Variants in RAD52 observed in about 807,000 individuals in gnomAD.
RAD52 encodes RAD52 DNA repair protein.
In RAD52, 47 loss-of-function variants were observed where a neutral mutation model predicts 55.5. That is an observed-to-expected ratio of 0.85 (90% CI 0.67 to 1.08). The LOEUF (loss-of-function observed/expected upper bound fraction) is 1.08. RAD52 is among the 50% of genes least tolerant of loss of function. RAD52 has a pLI of 0.00. For synonymous variants in RAD52, 184 were observed against 198.9 expected (o/e 0.92, Z 0.63); for missense variants, 468 against 522.8 (o/e 0.90, Z 1.02).
At chr12:987,508 T>C (rs536600101) in intron 1 of RAD52, among the ~76,000 whole-genome samples, 1 of 152,100 alleles carries the variant, frequency 6.6e-6, no homozygotes, top group South Asian at 2.1e-4. Flanking sequence ...TTGAACTAAT[T>C]CTTTATCTTA....
chr12:927,819 T>A (rs1412736277), intron 5 of RAD52, among the ~76,000 whole-genome samples: 3 of 151,762 alleles, frequency 2.0e-5, no homozygotes, highest in African/African-American at 7.3e-5. Context: ...TGAGCCGAGA[T>A]TGCACCACTG....
intron 1 of RAD52, among the ~76,000 whole-genome samples, chr12:980,396 CTA>C (rs1365573941): frequency 6.6e-6 from 1 of 151,186 alleles, no homozygotes; most frequent in Non-Finnish European, 1.5e-5. Context: ...CGGGTTCAAG[CTA>C]TTCTCCTGCC....
chr12:924,864 G>C (rs930285588), intron 7 of RAD52, among the ~76,000 whole-genome samples: 3 of 152,076 alleles, frequency 2.0e-5, no homozygotes, highest in Non-Finnish European at 4.4e-5. Flanking sequence ...TTGCTTTGAG[G>C]CTTCACAGAC....
Position 912,731 on chromosome 12 carries a change from AAAAAAAAAAAAAAAC to A in RAD52, c.*645_*659del, listed in dbSNP as rs1247840190. On this transcript the variant is annotated 3_prime_UTR_variant, in exon 12 of 12. Coordinates refer to ENST00000358495, the MANE Select transcript of RAD52 (RefSeq NM_134424.4). ...CAGCCAGACCCCGTCTCAAAAAAAA[AAAAAAAAAAAAAAAC>A]AAAAAACAGCCTTTTTTCGTGGTCT... 2.4e-4 allele frequency: 36 copies of A among 148,508 alleles called. No individual in the cohort carries two copies. Among genetic ancestry groups the A allele is most frequent in the East Asian group, 1.0e-3 (7 of 6,964 alleles). The allele number at this position is 148,508 out of a possible 1,614,324, so 9.2% of individuals were successfully genotyped here. A position where few individuals can be genotyped will look rare whatever the true frequency, so the allele number is the denominator to read the frequency against.
chr12:914,625 A>C, intron 9 of RAD52, 93 bp from the exon 10 acceptor site: 1 of 1,480,182 alleles, frequency 6.8e-7, no homozygotes, highest in Non-Finnish European at 9.2e-7. Context: ...GTTAGAGGGA[A>C]CACTCTCCGA....
intron 7 of RAD52, among the ~76,000 whole-genome samples, chr12:923,775 A>C (rs1205979780): frequency 6.6e-6 from 1 of 151,968 alleles, no homozygotes; most frequent in East Asian, 1.9e-4. Flanking sequence ...AAAAAAGAAA[A>C]GGCCGGGTGC....
At chr12:954,121 G>A (rs2154120263), upstream of RAD52, among the ~76,000 whole-genome samples, 1 of 152,214 alleles carries the variant, frequency 6.6e-6, no homozygotes, top group South Asian at 2.1e-4. Flanking sequence ...TGCATGCTCA[G>A]TTTTTGGTTT....
chr12:955,920 ACAGGCATGCGCCAC>A, intron 1 of RAD52, among the ~76,000 whole-genome samples: 1 of 147,714 alleles, frequency 6.8e-6, no homozygotes, highest in Non-Finnish European at 1.5e-5. Flanking sequence ...AGCTGGGATT[ACAGGCATGCGCCAC>A]CATGCCCGGC....
At chr12:962,055 G>A (rs1958693691) in intron 1 of RAD52, among the ~76,000 whole-genome samples, 1 of 152,108 alleles carries the variant, frequency 6.6e-6, no homozygotes. Context: ...ACAAATTTCT[G>A]TTCTTAAAGC....
chr12:916,749 G>GT lies in RAD52; in HGVS notation c.614dup (p.Tyr205Ter). Reference sequence around the variant, plus strand: ...GGGCCATGTTCGGTCGGCAGCTGTTGTATCTTGCCTCCTCCACAGACGGTT... The same window carrying GT: ...GGGCCATGTTCGGTCGGCAGCTGTTGTTATCTTGCCTCCTCCACAGACGGTT... ...DLEPSVEEARYNSCRPNMALG... is the reference protein window; with the variant it reads ...DLEPSVEEAR The change falls in exon 8 of 12, where the codon TAC becomes TAAC. Residue 205 changes from tyrosine to a stop codon, truncating the protein, a stop_gained and frameshift_variant. Coordinates refer to ENST00000358495, the MANE Select transcript of RAD52 (RefSeq NM_134424.4). LOFTEE classifies it high-confidence loss of function. 2 of 1,614,208 alleles carry GT rather than the reference G, an allele frequency of 1.2e-6. No homozygotes were observed. Among genetic ancestry groups the GT allele is most frequent in the South Asian group, 2.2e-5 (2 of 91,082 alleles).
upstream of RAD52, among the ~76,000 whole-genome samples, chr12:951,418 G>A (rs922678020): frequency 2.0e-5 from 3 of 152,186 alleles, no homozygotes; most frequent in East Asian, 3.9e-4. Context: ...GGTGCCCTTT[G>A]CCCCCTTTTT....
Position 911,928 on chromosome 12 carries a change from CAGG to C in RAD52, c.*1460_*1462del, listed in dbSNP as rs1014654872. 110 of 185,730 alleles carry C rather than the reference CAGG, an allele frequency of 5.9e-4. No individual in the cohort carries two copies. The highest frequency in any genetic ancestry group is 2.4e-3 in the African/African-American group (102 of 42,740). 11.5% of individuals were successfully genotyped at this position (185,730 alleles called of 1,614,324 possible). A position where few individuals can be genotyped will look rare whatever the true frequency, so the allele number is the denominator to read the frequency against. On this transcript the variant is annotated 3_prime_UTR_variant, in exon 12 of 12. Transcript: ENST00000358495. ...ATCCCAGCTACTCGGGAGCCTGAGG[CAGG>C]AGAATTGCTTGAATCCTGGCAGGCG...
chr12:930,460 G>A (rs994882038), intron 3 of RAD52, among the ~76,000 whole-genome samples: 4 of 151,932 alleles, frequency 2.6e-5, no homozygotes, highest in Non-Finnish European at 5.9e-5. Flanking sequence ...AGAACGAATG[G>A]TCTGTTGGGA....
chr12:917,607 G>A (rs1269918819), intron 7 of RAD52, among the ~76,000 whole-genome samples: 1 of 151,832 alleles, frequency 6.6e-6, no homozygotes, highest in East Asian at 1.9e-4. Flanking sequence ...CTTTGGCCAG[G>A]CACGTTGACT....
intron 1 of RAD52, among the ~76,000 whole-genome samples, chr12:962,219 C>T (rs1958695545): frequency 1.3e-5 from 2 of 152,082 alleles, no homozygotes; most frequent in Admixed American, 1.3e-4. Flanking sequence ...GGAGAAGTGA[C>T]CACCAGTAAG....
rs1305538483 is a variant in RAD52, at chr12:912,732, AAAAAAAAAAAAAAC to A, written c.*645_*658del. On this transcript the variant is annotated 3_prime_UTR_variant, in exon 12 of 12. Transcript: ENST00000358495. The stretch of plus-strand genomic sequence containing the variant: ...AGCCAGACCCCGTCTCAAAAAAAAA[AAAAAAAAAAAAAAC>A]AAAAAACAGCCTTTTTTCGTGGTCT... 1.3e-3 allele frequency: 193 copies of A among 147,904 alleles called. 1 individual carries two copies. The highest frequency in any genetic ancestry group is 1.9e-3 in the Non-Finnish European group (131 of 68,240). The allele number at this position is 147,904 out of a possible 1,614,324, so 9.2% of individuals were successfully genotyped here.
At chr12:987,096 G>C (rs1959096156) in intron 1 of RAD52, among the ~76,000 whole-genome samples, 1 of 152,076 alleles carries the variant, frequency 6.6e-6, no homozygotes, top group Admixed American at 6.6e-5. Flanking sequence ...TCGGCCTCCT[G>C]AGTAGTTGGG....
At chr12:963,024 T>C (rs1958709149) in intron 1 of RAD52, among the ~76,000 whole-genome samples, 1 of 152,210 alleles carries the variant, frequency 6.6e-6, no homozygotes, top group African/African-American at 2.4e-5. Flanking sequence ...AGTGGTGGGA[T>C]TACAGGTATG....
At chr12:932,782 G>A (rs984298068) in intron 2 of RAD52, among the ~76,000 whole-genome samples, 193 bp downstream of exon 2, 23 of 151,784 alleles carry the variant, frequency 1.5e-4, no homozygotes, top group African/African-American at 2.2e-4. Context: ...TACTGCCCCC[G>A]CACGCACCGC....
Sources: gnomAD v4.1 joint callset for allele counts (sites outside exome capture counted in the v4.1 genomes callset) on GRCh38, gnomAD v4.1.1 for gene constraint, MANE v1.5 for transcripts, NCBI Gene and HGNC (gene_info 2026-07-23, HGNC 2026-07-21) for gene names.